Variants in OTUD5 observed in about 807,000 individuals in gnomAD.
The protein encoded by OTUD5 is OTU domain-containing protein 5.
A neutral mutation model predicts 36.3 loss-of-function variants in OTUD5; 2 were observed. The ratio of observed to expected loss-of-function variants is 0.06; its 90% CI spans 0.02 to 0.17. OTUD5 has a LOEUF of 0.17. Among genes scored for constraint, OTUD5 ranks in the 10% least tolerant of loss-of-function variants. The pLI, the probability that OTUD5 is intolerant of heterozygous loss-of-function variation, is 1.00. For synonymous variants in OTUD5, 234 were observed against 214.9 expected (o/e 1.09, Z -0.78); for missense variants, 233 against 512.3 (o/e 0.45, Z 5.26).
chrX:48,929,301 T>G (rs190086549), intron 5 of OTUD5, among the ~76,000 whole-genome samples: 30 of 110,266 alleles, frequency 2.7e-4, no homozygotes, highest in African/African-American at 8.6e-4. Flanking sequence ...GGCAAGAGAA[T>G]CACTTGAACC....
At position 48,957,319 on chromosome X, in the gene OTUD5, G is replaced by A. The variant is rs782818983; in HGVS notation, c.252C>T (p.Ala84=). 7.1e-6 allele frequency: 8 copies of A among 1,131,950 alleles called. No homozygotes were observed. Among genetic ancestry groups the A allele is most frequent in the South Asian group, 4.0e-5 (2 of 49,915 alleles). The allele number at this position is 1,131,950 out of a possible 1,213,427, so 93.3% of individuals were successfully genotyped here. Residue 84 remains alanine (A), a synonymous_variant, in exon 1 of 9, where the codon GCC becomes GCT. Coordinates refer to ENST00000376488, the MANE Select transcript of OTUD5 (RefSeq NM_001136157.2). ...PPGALHRWAL[A]VPPGAVAGPR... ...GACCCGCCACTGCACCAGGCGGCAC[G>A]GCCAGCGCCCAGCGATGAAGAGCGC...
At position 48,945,807 on chromosome X, in the gene OTUD5, G is replaced by A. The variant is rs141065523; in HGVS notation, c.595-1524C>T. Among the ~76,000 whole-genome samples, 967 of 110,452 alleles carry A rather than the reference G, an allele frequency of 8.8e-3. 6 individuals are homozygous for A. The highest frequency in any genetic ancestry group is 0.014 in the Non-Finnish European group (753 of 52,796). On this transcript the variant is annotated intron_variant, in intron 1 of 8. Coordinates refer to ENST00000376488, the MANE Select transcript of OTUD5 (RefSeq NM_001136157.2). Reference sequence around the variant, plus strand: ...CCAAAGCACACCTGGCACCACGAAGGTTCAACTTAAATGAACCTGTACAAA... The same window carrying A: ...CCAAAGCACACCTGGCACCACGAAGATTCAACTTAAATGAACCTGTACAAA...
intron 6 of OTUD5, 63 bp from the exon 7 acceptor site, chrX:48,924,115 C>A (rs781992067): frequency 3.9e-6 from 4 of 1,037,267 alleles, no homozygotes; most frequent in Non-Finnish European, 5.2e-6. Flanking sequence ...TGTGACCCAT[C>A]CCTGAATGCT....
chrX:48,939,288 A>G lies in OTUD5; in HGVS notation c.689-4270T>C, dbSNP rs782758296. ...CCTGATCTTGTGTGCCTCAGTTTCC[A>G]CACCAGCACAAGCAGGAATCAGCTA... is the stretch of plus-strand genomic sequence containing the variant. On this transcript the variant is annotated intron_variant, in intron 2 of 8. Coordinates refer to ENST00000376488, the MANE Select transcript of OTUD5 (RefSeq NM_001136157.2). Among the ~76,000 whole-genome samples, 12 of 110,702 alleles carry G rather than the reference A, an allele frequency of 1.1e-4. 1 individual carries two copies. In the South Asian group the frequency reaches 4.6e-3, roughly 43 times the overall value.
At chrX:48,951,665 ACT>A (rs2064149528) in intron 1 of OTUD5, among the ~76,000 whole-genome samples, 1 of 110,547 alleles carries the variant, frequency 9.0e-6, no homozygotes, top group African/African-American at 3.3e-5. Flanking sequence ...TAGACACACT[ACT>A]CTCTAAGGAC....
chrX:48,944,230 C>T lies in OTUD5; in HGVS notation c.648G>A (p.Lys216=). The change falls in exon 2 of 9, where the codon AAG becomes AAA. Residue 216 remains lysine (K), a synonymous_variant. Transcript: ENST00000376488. ...ALRDKKGFII[K]QMKEDGACLF... is the part of the protein sequence containing the mutation. The stretch of plus-strand genomic sequence containing the variant: ...GACAGGCGCCATCCTCCTTCATCTG[C>T]TTGATGATGAAGCCCTTCTTGTCTC... 1.7e-6 allele frequency: 2 copies of T among 1,207,737 alleles called. No homozygotes were observed. The highest frequency in any genetic ancestry group is 3.5e-5 in the South Asian group (2 of 56,690).
intron 1 of OTUD5, among the ~76,000 whole-genome samples, chrX:48,956,106 G>A (rs1394122527): frequency 8.9e-6 from 1 of 111,910 alleles, no homozygotes; most frequent in Non-Finnish European, 1.9e-5. Flanking sequence ...TCCTGAAGCG[G>A]TTCAGGCCCT....
At chrX:48,949,360 G>C (rs1557053172) in intron 1 of OTUD5, among the ~76,000 whole-genome samples, 3 of 111,625 alleles carry the variant, frequency 2.7e-5, no homozygotes, top group Non-Finnish European at 5.7e-5. Flanking sequence ...ACTAGCCTGG[G>C]CAACATGGTG....
intron 1 of OTUD5, among the ~76,000 whole-genome samples, chrX:48,947,197 G>A (rs1184748877): frequency 3.6e-5 from 4 of 111,047 alleles, no homozygotes; most frequent in Non-Finnish European, 5.7e-5. Flanking sequence ...TGGCCAACAT[G>A]GTAAAACCTT....
intron 5 of OTUD5, among the ~76,000 whole-genome samples, chrX:48,929,762 G>A (rs903489355): frequency 3.7e-5 from 4 of 108,951 alleles, no homozygotes; most frequent in East Asian, 2.9e-4. Flanking sequence ...TGAGATCCCA[G>A]CATAGAATGC....
At chrX:48,957,754 G>C (rs2064282994), upstream of OTUD5, 1 of 794,515 alleles carries the variant, frequency 1.3e-6, no homozygotes, top group Non-Finnish European at 1.5e-6. Flanking sequence ...GGCGGCGGTG[G>C]CGGCGCGCGG....
At chrX:48,944,745 G>A (rs1191111163) in intron 1 of OTUD5, among the ~76,000 whole-genome samples, 10 of 112,469 alleles carry the variant, frequency 8.9e-5, no homozygotes, top group South Asian at 3.6e-4. Flanking sequence ...GCTGTAGGCC[G>A]GGCATGGTGG....
At chrX:48,923,506 G>A (rs1019360665) in intron 8 of OTUD5, 127 bp downstream of exon 8, 2 of 586,129 alleles carry the variant, frequency 3.4e-6, no homozygotes, top group Non-Finnish European at 5.5e-6. Context: ...ATCCCCTCCA[G>A]TGCCTCTCCC....
At chrX:48,941,939 T>C (rs2063931258) in intron 2 of OTUD5, among the ~76,000 whole-genome samples, 1 of 111,261 alleles carries the variant, frequency 9.0e-6, no homozygotes, top group Admixed American at 9.6e-5. Flanking sequence ...AGAGGACTTC[T>C]GAGGTTTTAC....
intron 5 of OTUD5, among the ~76,000 whole-genome samples, chrX:48,928,044 T>G (rs1325836640): frequency 1.8e-5 from 2 of 112,839 alleles, no homozygotes; most frequent in Non-Finnish European, 3.7e-5. Flanking sequence ...CATTTGCCAA[T>G]AGGCAACTGC....
chrX:48,934,916 C>T, intron 3 of OTUD5, 38 bp downstream of exon 3: 1 of 1,203,328 alleles, frequency 8.3e-7, no homozygotes, highest in South Asian at 1.8e-5. Context: ...AGAAATCCTC[C>T]CACCCTGCCC....
intron 1 of OTUD5, among the ~76,000 whole-genome samples, chrX:48,947,194 C>T (rs2064043529): frequency 9.0e-6 from 1 of 111,078 alleles, no homozygotes; most frequent in Non-Finnish European, 1.9e-5. Flanking sequence ...GCCTGGCCAA[C>T]ATGGTAAAAC....
chrX:48,957,184 C>T lies in OTUD5; in HGVS notation c.387G>A (p.Val129=). 1 of 1,124,327 alleles carries T rather than the reference C, an allele frequency of 8.9e-7. No individual in the cohort carries two copies. Among genetic ancestry groups the T allele is most frequent in the African/African-American group, 1.9e-5 (1 of 53,476 alleles). 92.7% of individuals were successfully genotyped at this position (1,124,327 alleles called of 1,213,427 possible). The change falls in exon 1 of 9, where the codon GTG becomes GTA. Residue 129 remains valine (V), a synonymous_variant. Coordinates refer to ENST00000376488, the MANE Select transcript of OTUD5 (RefSeq NM_001136157.2). ...CTACGGCACCACCCACACCCACCAC[C>T]ACGCCCGCGGCACCCACACCCGCCG... ...AAAAGVGAAG[V]VVGVGGAVGV... is the part of the protein sequence containing the mutation.
chrX:48,944,421 C>A (rs1180060106), intron 1 of OTUD5, 138 bp from the exon 2 acceptor site: 2 of 449,314 alleles, frequency 4.5e-6, no homozygotes, highest in Admixed American at 3.6e-5. Context: ...CCTGTTTGAC[C>A]ACTCCATGCA....
Sources: allele counts gnomAD v4.1 joint callset (sites outside exome capture counted in the v4.1 genomes callset), GRCh38; gene constraint gnomAD v4.1.1; transcripts MANE v1.5; gene names NCBI Gene and HGNC (gene_info 2026-07-23, HGNC 2026-07-21).